Variants in ARHGAP18 observed in about 807,000 individuals in gnomAD.
The protein encoded by ARHGAP18 is rho GTPase-activating protein 18.
ARHGAP18 carries 67 observed loss-of-function variants against 86.2 expected under a neutral mutation model. That is an observed-to-expected ratio of 0.78 (90% CI 0.64 to 0.95). The LOEUF (loss-of-function observed/expected upper bound fraction) is 0.95, where lower values mean the gene tolerates loss of function less well. Ranked by LOEUF, ARHGAP18 falls within the 40% of genes least tolerant of loss-of-function variation. The pLI, the probability that ARHGAP18 is intolerant of heterozygous loss-of-function variation, is 0.00. For missense variants in ARHGAP18, 691 were observed against 780.4 expected (o/e 0.89, Z 1.37); for synonymous variants, 283 against 280.4 (o/e 1.01, Z -0.09).
chr6:129,599,007 C>T (rs1018967050), intron 12 of ARHGAP18: 1 of 372,850 alleles, frequency 2.7e-6, no homozygotes, highest in Non-Finnish European at 4.7e-6. Flanking sequence ...TAACAACTCA[C>T]ATGCTGAGTC....
intron 5 of ARHGAP18, among the ~76,000 whole-genome samples, chr6:129,619,760 A>G (rs1789189026): frequency 6.6e-6 from 1 of 151,626 alleles, no homozygotes. Context: ...ACATACACTT[A>G]TGTATCTTTT....
chr6:129,633,507 A>G (rs1773262520), intron 4 of ARHGAP18, among the ~76,000 whole-genome samples: 1 of 151,962 alleles, frequency 6.6e-6, no homozygotes, highest in Admixed American at 6.6e-5. Flanking sequence ...AACAAATGTT[A>G]GCAGAGAAAC....
chr6:129,602,716 A>G (rs1788773133), intron 10 of ARHGAP18, among the ~76,000 whole-genome samples: 1 of 152,182 alleles, frequency 6.6e-6, no homozygotes, highest in African/African-American at 2.4e-5. Context: ...AGATTAATTG[A>G]AGTTTGGAAA....
chr6:129,604,550 G>A (rs1788814131), intron 10 of ARHGAP18, among the ~76,000 whole-genome samples: 1 of 152,134 alleles, frequency 6.6e-6, no homozygotes, highest in Non-Finnish European at 1.5e-5. Context: ...TGTGTCGGGA[G>A]CACTGCTGAC....
At chr6:129,689,400 C>G (rs932853349) in intron 1 of ARHGAP18, among the ~76,000 whole-genome samples, 2 of 152,168 alleles carry the variant, frequency 1.3e-5, no homozygotes, top group Non-Finnish European at 2.9e-5. Context: ...TCAAGCAACT[C>G]TCCTGCCTCC....
chr6:129,619,757 C>T (rs1456166868), intron 5 of ARHGAP18, among the ~76,000 whole-genome samples: 1 of 151,412 alleles, frequency 6.6e-6, no homozygotes, highest in Non-Finnish European at 1.5e-5. Context: ...TTCACATACA[C>T]TTATGTATCT....
At chr6:129,675,764 G>A (rs79872919) in intron 1 of ARHGAP18, among the ~76,000 whole-genome samples, 2 of 152,132 alleles carry the variant, frequency 1.3e-5, no homozygotes, top group Non-Finnish European at 2.9e-5. Flanking sequence ...TAGAGATGCA[G>A]GTAATAAATT....
chr6:129,683,436 A>T (rs1451357025), intron 1 of ARHGAP18, among the ~76,000 whole-genome samples: 2 of 152,212 alleles, frequency 1.3e-5, no homozygotes, highest in Admixed American at 1.3e-4. Flanking sequence ...TTATCTGCCA[A>T]GTACGGGCTT....
chr6:129,613,819 T>A lies in ARHGAP18; in HGVS notation c.1045-2209A>T, dbSNP rs372874778. On this transcript the variant is annotated intron_variant, in intron 7 of 14. Transcript: ENST00000368149. ...AAAATAGAGATGAAAAATAACTATA[T>A]TGACTCATACATTTTAATGATGCTG... Among the ~76,000 whole-genome samples the A allele has an allele frequency of 4.6e-5, 7 of 151,558 alleles. No homozygotes were observed. The East Asian group carries it at 7.7e-4, about 17-fold the overall frequency.
At chr6:129,663,326 T>C (rs927007470) in intron 1 of ARHGAP18, among the ~76,000 whole-genome samples, 7 of 152,226 alleles carry the variant, frequency 4.6e-5, no homozygotes, top group Admixed American at 1.3e-4. Flanking sequence ...AAGACATATG[T>C]GATAGATACG....
intron 5 of ARHGAP18, among the ~76,000 whole-genome samples, chr6:129,625,016 TATATG>T (rs1437025359): frequency 2.3e-5 from 2 of 88,562 alleles, no homozygotes; most frequent in Non-Finnish European, 4.4e-5. Context: ...TTATATAATA[TATATG>T]ATATATGATA....
At chr6:129,624,326 C>T (rs568939834) in intron 5 of ARHGAP18, among the ~76,000 whole-genome samples, 7 of 150,676 alleles carry the variant, frequency 4.6e-5, no homozygotes, top group South Asian at 2.1e-4. Flanking sequence ...GTCAGGAGTT[C>T]GAGACCAGCC....
intron 1 of ARHGAP18, among the ~76,000 whole-genome samples, chr6:129,676,589 C>T (rs973753988): frequency 2.0e-5 from 3 of 152,142 alleles, no homozygotes; most frequent in Admixed American, 2.0e-4. Context: ...TAATATTATA[C>T]CCCTTATAGA....
chr6:129,664,052 G>A (rs1456114969), intron 1 of ARHGAP18, among the ~76,000 whole-genome samples: 1 of 152,232 alleles, frequency 6.6e-6, no homozygotes, highest in Non-Finnish European at 1.5e-5. Flanking sequence ...GTTTGGCACA[G>A]CCCCCACCAA....
chr6:129,664,257 G>A (rs1276810173), intron 1 of ARHGAP18, among the ~76,000 whole-genome samples: 1 of 152,218 alleles, frequency 6.6e-6, no homozygotes, highest in Non-Finnish European at 1.5e-5. Context: ...GCAGGGGATG[G>A]GGAGATAGGA....
intron 12 of ARHGAP18, among the ~76,000 whole-genome samples, chr6:129,598,316 G>A (rs1226789150): frequency 6.6e-6 from 1 of 152,160 alleles, no homozygotes; most frequent in Admixed American, 6.5e-5. Flanking sequence ...TTAAGAGTGA[G>A]AGCTATAAAT....
At chr6:129,580,260 C>G (rs759026646) in intron 13 of ARHGAP18, 129 bp from the exon 14 acceptor site, 1 of 717,012 alleles carries the variant, frequency 1.4e-6, no homozygotes, top group South Asian at 2.0e-5. Flanking sequence ...ATTATCTACA[C>G]GTTTGTATTT....
At chr6:129,649,374 C>T (rs747416500) in intron 1 of ARHGAP18, among the ~76,000 whole-genome samples, 6 of 151,810 alleles carry the variant, frequency 4.0e-5, no homozygotes, top group Admixed American at 6.6e-5. Context: ...GCCAACAGGG[C>T]GAAACCTCGT....
At chr6:129,652,519 T>A (rs1158785481) in intron 1 of ARHGAP18, among the ~76,000 whole-genome samples, 1 of 152,220 alleles carries the variant, frequency 6.6e-6, no homozygotes, top group Non-Finnish European at 1.5e-5. Flanking sequence ...CCTCCCCTCA[T>A]ATTCTTGAAC....
Sources: allele counts gnomAD v4.1 joint callset (sites outside exome capture counted in the v4.1 genomes callset), GRCh38; gene constraint gnomAD v4.1.1; transcripts MANE v1.5; gene names NCBI Gene and HGNC (gene_info 2026-07-23, HGNC 2026-07-21).